Variants in GALNT17 observed in about 807,000 individuals in gnomAD.
GALNT17 encodes the protein polypeptide N-acetylgalactosaminyltransferase 17.
Under a neutral mutation model 63.7 loss-of-function variants are expected in GALNT17, and 29 were observed. The ratio of observed to expected loss-of-function variants is 0.46; its 90% CI spans 0.34 to 0.62. The LOEUF (loss-of-function observed/expected upper bound fraction) is 0.62. Among genes scored for constraint, GALNT17 ranks in the 20% least tolerant of loss-of-function variants. GALNT17 has a pLI of 0.01. For missense variants in GALNT17, 603 were observed against 799.6 expected, an observed-to-expected ratio of 0.75 and a Z score of 2.97; for synonymous variants, 305 against 318.3, an observed-to-expected ratio of 0.96 and a Z score of 0.45.
intron 6 of GALNT17, among the ~76,000 whole-genome samples, chr7:71,583,580 A>G (rs1368154989): frequency 6.6e-6 from 1 of 152,212 alleles, no homozygotes; most frequent in Non-Finnish European, 1.5e-5. Flanking sequence ...TGGACATGGA[A>G]AAAGGGGAAA....
chr7:71,281,571 C>G (rs1000893968), intron 1 of GALNT17, among the ~76,000 whole-genome samples: 3 of 152,144 alleles, frequency 2.0e-5, no homozygotes, highest in African/African-American at 4.8e-5. Flanking sequence ...CCATCCAGCT[C>G]TAATGAGCAT....
At chr7:71,234,495 C>T (rs567153004) in intron 1 of GALNT17, among the ~76,000 whole-genome samples, 13 of 152,210 alleles carry the variant, frequency 8.5e-5, no homozygotes, top group African/African-American at 2.4e-4. Context: ...AACTGCTGAG[C>T]TCAGGTGATC....
intron 6 of GALNT17, among the ~76,000 whole-genome samples, chr7:71,604,330 C>T (rs1348487329): frequency 2.0e-5 from 3 of 151,892 alleles, no homozygotes; most frequent in Admixed American, 6.6e-5. Context: ...GTGCATTCAC[C>T]AGATTTTATG....
intron 5 of GALNT17, among the ~76,000 whole-genome samples, chr7:71,557,760 C>G (rs1389762192): frequency 1.3e-5 from 2 of 151,966 alleles, no homozygotes; most frequent in Non-Finnish European, 2.9e-5. Context: ...CACTGCACTC[C>G]AGCCTGGGTG....
At chr7:71,413,052 A>G (rs1210419202) in intron 3 of GALNT17, among the ~76,000 whole-genome samples, 1 of 152,182 alleles carries the variant, frequency 6.6e-6, no homozygotes, top group African/African-American at 2.4e-5. Context: ...GAAAAGGAAA[A>G]TAAAATAAAA....
At chr7:71,619,075 G>T (rs1208437636) in intron 6 of GALNT17, among the ~76,000 whole-genome samples, 1 of 152,134 alleles carries the variant, frequency 6.6e-6, no homozygotes, top group Non-Finnish European at 1.5e-5. Context: ...CAAGTTATTT[G>T]CTCATTGCTT....
At chr7:71,400,819 G>C (rs1017961100) in intron 3 of GALNT17, among the ~76,000 whole-genome samples, 2 of 152,224 alleles carry the variant, frequency 1.3e-5, no homozygotes, top group Non-Finnish European at 2.9e-5. Context: ...GGAGGCAGGA[G>C]TCAAAGAGGA....
intron 1 of GALNT17, among the ~76,000 whole-genome samples, chr7:71,216,832 G>A (rs930248977): frequency 6.6e-6 from 1 of 151,942 alleles, no homozygotes; most frequent in African/African-American, 2.4e-5. Context: ...TACTATAGTA[G>A]TTATATAACT....
At chr7:71,149,932 T>C (rs1162155265) in intron 1 of GALNT17, among the ~76,000 whole-genome samples, 1 of 152,194 alleles carries the variant, frequency 6.6e-6, no homozygotes. Flanking sequence ...TGCTAAGCCT[T>C]GCATGGGAGC....
chr7:71,349,208 G>A (rs955688672), intron 2 of GALNT17, among the ~76,000 whole-genome samples: 1 of 152,306 alleles, frequency 6.6e-6, no homozygotes, highest in Non-Finnish European at 1.5e-5. Context: ...CCAAGTGGCA[G>A]CAGGAGAGAA....
chr7:71,426,641 G>A (rs1286234621), intron 5 of GALNT17, among the ~76,000 whole-genome samples: 1 of 152,130 alleles, frequency 6.6e-6, no homozygotes, highest in African/African-American at 2.4e-5. Flanking sequence ...AAAGCAGGAA[G>A]AAGAGGCGGT....
chr7:71,471,240 C>T (rs1230327688), intron 5 of GALNT17, among the ~76,000 whole-genome samples: 1 of 151,874 alleles, frequency 6.6e-6, no homozygotes, highest in African/African-American at 2.4e-5. Flanking sequence ...CCATATCCAG[C>T]TAATTTTTGT....
intron 5 of GALNT17, among the ~76,000 whole-genome samples, chr7:71,488,009 C>G (rs1042590221): frequency 1.3e-5 from 2 of 151,824 alleles, no homozygotes; most frequent in Non-Finnish European, 2.9e-5. Flanking sequence ...GTCTGTATAA[C>G]AAGTTTAAAA....
At chr7:71,350,934 AG>A (rs1563024625) in intron 2 of GALNT17, among the ~76,000 whole-genome samples, 2 of 152,234 alleles carry the variant, frequency 1.3e-5, no homozygotes, top group African/African-American at 2.4e-5. Context: ...TAAGGCCAGG[AG>A]TTTAAGATCA....
chr7:71,446,615 C>T (rs1787164305), intron 5 of GALNT17, among the ~76,000 whole-genome samples: 1 of 152,170 alleles, frequency 6.6e-6, no homozygotes, highest in Admixed American at 6.5e-5. Context: ...ATGGCATGAT[C>T]TCGGCTCACT....
chr7:71,387,419 G>T (rs977930878), intron 2 of GALNT17, among the ~76,000 whole-genome samples: 3 of 151,554 alleles, frequency 2.0e-5, no homozygotes, highest in Admixed American at 2.0e-4. Flanking sequence ...TTGACCTCCC[G>T]GGCTCAAGTG....
intron 1 of GALNT17, among the ~76,000 whole-genome samples, chr7:71,150,548 T>C (rs1447414069): frequency 6.6e-6 from 1 of 150,872 alleles, no homozygotes; most frequent in Non-Finnish European, 1.5e-5. Context: ...AGTCTTGCTG[T>C]GTCCCAGGCT....
intron 5 of GALNT17, among the ~76,000 whole-genome samples, chr7:71,424,458 C>T (rs186648140): frequency 6.6e-6 from 1 of 152,286 alleles, no homozygotes. Flanking sequence ...ATGATTGTCT[C>T]TGGGTGTGTA....
At chr7:71,299,648 G>A (rs1791157666) in intron 1 of GALNT17, among the ~76,000 whole-genome samples, 1 of 152,150 alleles carries the variant, frequency 6.6e-6, no homozygotes, top group African/African-American at 2.4e-5. Flanking sequence ...GGAATCAATG[G>A]GATTTACTGC....
Sources: allele counts gnomAD v4.1 joint callset (sites outside exome capture counted in the v4.1 genomes callset), GRCh38; gene constraint gnomAD v4.1.1; transcripts MANE v1.5; gene names NCBI Gene and HGNC (gene_info 2026-07-23, HGNC 2026-07-21).